COL5A1: variants seen among roughly 807,000 people sequenced by gnomAD.
The protein encoded by COL5A1 is collagen type V alpha 1 chain, also known as collagen alpha-1(V) chain.
COL5A1 carries 16 observed loss-of-function variants against 263.7 expected under a neutral mutation model. The ratio of observed to expected loss-of-function variants is 0.06; its 90% CI spans 0.04 to 0.09. The LOEUF is 0.09. COL5A1 is among the 10% of genes least tolerant of loss of function. The pLI is 1.00. For missense variants in COL5A1, 2,036 were observed against 2,540.5 expected (o/e 0.80, Z 4.27); for synonymous variants, 1,012 against 1,004.5 (o/e 1.01, Z -0.14).
At chr9:134,717,445 G>A (rs903864699) in intron 4 of COL5A1, among the ~76,000 whole-genome samples, 20 of 152,296 alleles carry the variant, frequency 1.3e-4, no homozygotes, top group South Asian at 1.2e-3. Flanking sequence ...CGTGGTTTGC[G>A]AACACACCTG....
rs147965015 is a variant in COL5A1, at chr9:134,810,421, G to A, written c.3528+113G>A. ...TTCCAACGTTGCTGATGACTAGCGG[G>A]ACATGCTGTGAAAATCTCCCGTGCA... On this transcript the variant is annotated intron_variant, in intron 44 of 65. Transcript: ENST00000371817. The A allele has an allele frequency of 7.5e-5, 77 of 1,032,480 alleles. No individual in the cohort carries two copies. In the Middle Eastern group the frequency reaches 1.1e-3, roughly 15 times the overall value. The allele number at this position is 1,032,480 out of a possible 1,614,324, so 64.0% of individuals were successfully genotyped here. A position where few individuals can be genotyped will look rare whatever the true frequency, so the allele number is the denominator to read the frequency against.
At position 134,805,026 on chromosome 9, in the gene COL5A1, C is replaced by T. The variant is rs367905915; in HGVS notation, c.3166C>T (p.Arg1056Cys). The change falls in exon 40 of 66, where the codon CGT becomes TGT. Residue 1056 changes from arginine (R) to cysteine (C), a missense_variant. Arg to Cys is a radical substitution (Grantham distance 180). This residue lies in a region of COL5A1 where 1,078 missense variants were observed against 1,521.4 expected (regional missense o/e 0.71). Coordinates refer to ENST00000371817, the MANE Select transcript of COL5A1 (RefSeq NM_000093.5). ...TGGGAAAGATGGCCCTCCAGGATTA[C>T]GTGGTTTCCCTGGGGACCGAGGGCT... The part of the protein sequence containing the change: ...LPGKDGPPGL[R>C]GFPGDRGLPG... The T allele has an allele frequency of 2.5e-6, 4 of 1,613,842 alleles. No individual in the cohort carries two copies. The highest frequency in any genetic ancestry group is 2.7e-5 in the African/African-American group (2 of 74,934).
intron 63 of COL5A1, among the ~76,000 whole-genome samples, chr9:134,827,021 G>A (rs192331818): frequency 6.6e-6 from 1 of 152,282 alleles, no homozygotes; most frequent in East Asian, 1.9e-4. Context: ...TGCAGCTCTC[G>A]TGCCCCTGCA....
rs1252300924 is a variant in COL5A1 at position 134,843,416 on chromosome 9, G to T, written c.*1113G>T. 6.6e-6 allele frequency: 1 copy of T among 152,506 alleles called. No homozygotes were observed. Among genetic ancestry groups the T allele is most frequent in the Non-Finnish European group, 1.5e-5 (1 of 68,048 alleles). The allele number at this position is 152,506 out of a possible 1,614,324, so 9.4% of individuals were successfully genotyped here. ...CTATCTGTTTTAAGGTCTCCTTGAA[G>T]GCGCACTGGGGACCCTGGCCATGCC... On this transcript the variant is annotated 3_prime_UTR_variant, in exon 66 of 66. Coordinates refer to ENST00000371817, the MANE Select transcript of COL5A1 (RefSeq NM_000093.5).
intron 13 of COL5A1, 34 bp from the exon 14 acceptor site, chr9:134,752,555 G>T (rs747245316): frequency 6.3e-7 from 1 of 1,577,094 alleles, no homozygotes. Flanking sequence ...TGCTGCTGGG[G>T]CCCTGTCTCA....
chr9:134,730,388 G>C lies in COL5A1; in HGVS notation c.1077G>C (p.Glu359Asp). 1.2e-6 allele frequency: 2 copies of C among 1,614,216 alleles called. No individual in the cohort carries two copies. Among genetic ancestry groups the C allele is most frequent in the Admixed American group, 1.7e-5 (1 of 60,032 alleles). ...PSPYDDLTYG[E>D]GEENPDQPTD... ...CGTATGATGACCTCACCTATGGCGA[G>C]GGGGAGGAGAACCCCGACCAGCCCA... The change falls in exon 7 of 66, where the codon GAG becomes GAC. Residue 359 changes from glutamate to aspartate, a missense_variant. Around this residue, in one of 3 missense-constraint regions of COL5A1, gnomAD observed 600 missense variants for 634.5 expected, o/e 0.95. Coordinates refer to ENST00000371817, the MANE Select transcript of COL5A1 (RefSeq NM_000093.5).
Position 134,745,559 on chromosome 9 carries a change from C to T in COL5A1, c.1495-4983C>T, listed in dbSNP as rs553253288. Among the ~76,000 whole-genome samples the T allele has an allele frequency of 1.4e-4, 21 of 152,226 alleles. No individual in the cohort carries two copies. In the South Asian group the frequency reaches 2.1e-3, roughly 15 times the overall value. On this transcript the variant is annotated intron_variant, in intron 11 of 65. Transcript: ENST00000371817. The stretch of plus-strand genomic sequence containing the variant: ...GGTTGTTAGTTCTGGTTGAGGGGTG[C>T]GGTCTGAGGCATCAGGCTTCTTGAT...
rs1201011940 is a variant in COL5A1 at position 134,844,421 on chromosome 9, A to G, written c.*2118A>G. The G allele has an allele frequency of 6.6e-6, 1 of 152,366 alleles. No individual in the cohort carries two copies. Among genetic ancestry groups the G allele is most frequent in the Non-Finnish European group, 1.5e-5 (1 of 68,014 alleles). 9.4% of individuals were successfully genotyped at this position (152,366 alleles called of 1,614,324 possible). On this transcript the variant is annotated 3_prime_UTR_variant, in exon 66 of 66. Transcript: ENST00000371817. ...ATCCAATTTGTCCTTTTCTCCTGTCATTTTCTTCCTCTGTGGTCCCTTCAA... is the reference window on the plus strand; with the variant it reads ...ATCCAATTTGTCCTTTTCTCCTGTCGTTTTCTTCCTCTGTGGTCCCTTCAA...
In COL5A1 at chr9:134,803,101, C is replaced by T. The variant is rs192079859; in HGVS notation, c.3114+106C>T. On this transcript the variant is annotated intron_variant, in intron 39 of 65. Transcript: ENST00000371817. ...TCTGATGAATGGGTAATTCGTCAAA[C>T]AGACGCTTCTCATGCCGGTTCACTC... The T allele has an allele frequency of 1.3e-4, 117 of 915,604 alleles. No individual in the cohort carries two copies. The Admixed American group carries it at 1.7e-3, about 13-fold the overall frequency. 56.7% of individuals were successfully genotyped at this position (915,604 alleles called of 1,614,324 possible).
intron 1 of COL5A1, among the ~76,000 whole-genome samples, chr9:134,665,886 A>G (rs1226261043): frequency 3.3e-5 from 5 of 152,178 alleles, no homozygotes; most frequent in Non-Finnish European, 7.4e-5. Context: ...TCAGGAGTTC[A>G]AGACCAGCCT....
chr9:134,731,078 G>A (rs1425797153), intron 7 of COL5A1, among the ~76,000 whole-genome samples: 1 of 152,246 alleles, frequency 6.6e-6, no homozygotes, highest in Non-Finnish European at 1.5e-5. Context: ...CTTGCGTAGT[G>A]TGTAGCACAT....
chr9:134,816,946 C>T (rs149109974), intron 52 of COL5A1, 80 bp from the exon 53 acceptor site: 2 of 1,306,158 alleles, frequency 1.5e-6, no homozygotes, highest in Non-Finnish European at 2.2e-6. Context: ...AGTAAATAGA[C>T]TGAAATCGCC....
In COL5A1 at chr9:134,789,486, CTTTCAG is replaced by C. The variant is rs1837595687; in HGVS notation, c.2700+279_2700+284del. Among the ~76,000 whole-genome samples the C allele has an allele frequency of 6.6e-6, 1 of 152,200 alleles. No individual in the cohort carries two copies. Among genetic ancestry groups the C allele is most frequent in the Admixed American group, 6.5e-5 (1 of 15,284 alleles). ...AATTAGCACCACAATCCAGAAGGCT[CTTTCAG>C]GTCATTCTGAAAATCAGATTCTTCT... On this transcript the variant is annotated intron_variant, in intron 32 of 65. Transcript: ENST00000371817. This position sits in a 1 kb window ranked among gnomAD's most constrained non-coding sequence, Gnocchi z 4.8.
Position 134,822,130 on chromosome 9 carries a change from C to G in COL5A1, c.4588C>G (p.Pro1530Ala). Residue 1530 changes from proline (P) to alanine (A), a missense_variant, in exon 59 of 66, where the codon CCT (proline) becomes GCT (alanine). Coordinates refer to ENST00000371817, the MANE Select transcript of COL5A1 (RefSeq NM_000093.5). ...TGGTCCTTCTGGCCCGATTGGGCCT[C>G]CTGGGCCCCCTGGCCTGCCGGTGTG... is the stretch of plus-strand genomic sequence containing the variant. ...ITGPSGPIGP[P>A]GPPGLPGPPG... The G allele has an allele frequency of 6.2e-7, 1 of 1,613,734 alleles. No homozygotes were observed. Among genetic ancestry groups the G allele is most frequent in the Non-Finnish European group, 8.5e-7 (1 of 1,179,792 alleles).
At chr9:134,725,620 A>C (rs558415311) in intron 4 of COL5A1, among the ~76,000 whole-genome samples, 1 of 152,342 alleles carries the variant, frequency 6.6e-6, no homozygotes, top group African/African-American at 2.4e-5. Flanking sequence ...TGGTGAGAGA[A>C]TAATGGAATA....
At chr9:134,750,251 T>C (rs1835724699) in intron 11 of COL5A1, among the ~76,000 whole-genome samples, 1 of 152,192 alleles carries the variant, frequency 6.6e-6, no homozygotes, top group South Asian at 2.1e-4. Context: ...GTCTCTGCCT[T>C]GAGGCCCCAG....
intron 4 of COL5A1, among the ~76,000 whole-genome samples, chr9:134,720,280 C>T (rs906003531): frequency 2.0e-5 from 3 of 152,196 alleles, no homozygotes; most frequent in African/African-American, 7.2e-5. Flanking sequence ...TGAAAAGCCA[C>T]GAGCTCACCC....
At position 134,796,468 on chromosome 9, in the gene COL5A1, G is replaced by A. The variant is rs540657193; in HGVS notation, c.2844+50G>A. On this transcript the variant is annotated intron_variant, in intron 35 of 65. Coordinates refer to ENST00000371817, the MANE Select transcript of COL5A1 (RefSeq NM_000093.5). ...TGTCTCCAAGGGCAGAGCCTGCCTC[G>A]AATGCCCCCTGCACTTTGTCCTGGG... 36 of 1,581,044 alleles carry A rather than the reference G, an allele frequency of 2.3e-5. No homozygotes were observed. The Admixed American group carries it at 2.7e-4, about 12-fold the overall frequency.
chr9:134,760,705 A>ACCCACCC (rs1836369597), intron 18 of COL5A1, among the ~76,000 whole-genome samples: 3 of 126,980 alleles, frequency 2.4e-5, no homozygotes, highest in Non-Finnish European at 4.9e-5. Context: ...GCACACACAC[A>ACCCACCC]CCCACACACC....
Sources: gnomAD v4.1 joint callset for allele counts (sites outside exome capture counted in the v4.1 genomes callset) on GRCh38, gnomAD v4.1.1 for gene constraint, gnomAD v4.1.1 regional missense constraint, Gnocchi (gnomAD v3.1) non-coding constraint, MANE v1.5 for transcripts, NCBI Gene and HGNC (gene_info 2026-07-23, HGNC 2026-07-21) for gene names.